PARVA: variants seen among roughly 807,000 people sequenced by gnomAD.
The protein encoded by PARVA is parvin alpha, also known as alpha-parvin.
In PARVA, 25 loss-of-function variants were observed where a neutral mutation model predicts 52.6. The observed-to-expected ratio is 0.48, with a 90% CI of 0.35 to 0.66. The LOEUF is 0.66. Among genes scored for constraint, PARVA ranks in the 30% least tolerant of loss-of-function variants. PARVA has a pLI of 0.01. For missense variants in PARVA, 373 were observed against 450.9 expected, an observed-to-expected ratio of 0.83 and a Z score of 1.56; for synonymous variants, 185 against 179.1, an observed-to-expected ratio of 1.03 and a Z score of -0.26.
upstream of PARVA, chr11:12,376,641 GC>G: frequency 1.6e-6 from 1 of 620,390 alleles, no homozygotes. Context: ...CCTAGAAGGG[GC>G]CACAAGGAGG....
At chr11:12,452,150 T>C (rs1423231885) in intron 1 of PARVA, among the ~76,000 whole-genome samples, 2 of 151,986 alleles carry the variant, frequency 1.3e-5, no homozygotes, top group Admixed American at 1.3e-4. Flanking sequence ...CTCCCTGCCT[T>C]ATATGCAAGC....
intron 1 of PARVA, among the ~76,000 whole-genome samples, chr11:12,445,243 A>C (rs1407553344): frequency 6.6e-6 from 1 of 152,180 alleles, no homozygotes; most frequent in African/African-American, 2.4e-5. Flanking sequence ...AGTATACTCT[A>C]TCCTGGGGCT....
At chr11:12,377,497 G>A, upstream of PARVA, 1 of 1,412,072 alleles carries the variant, frequency 7.1e-7, no homozygotes, top group Middle Eastern at 1.8e-4. Flanking sequence ...AGGGAGCGAG[G>A]GAAGGGAAAG....
intron 5 of PARVA, among the ~76,000 whole-genome samples, chr11:12,503,384 G>A (rs999945672): frequency 1.1e-4 from 16 of 152,168 alleles, no homozygotes; most frequent in African/African-American, 1.7e-4. Flanking sequence ...GAAGGGAGAG[G>A]GAGTGCAGAG....
At chr11:12,384,282 T>C (rs748208647) in intron 1 of PARVA, among the ~76,000 whole-genome samples, 39 of 152,224 alleles carry the variant, frequency 2.6e-4, no homozygotes, top group Non-Finnish European at 5.0e-4. Context: ...TTGAAAGAGT[T>C]ATCTCTACCT....
rs193267501 is a variant in PARVA, at chr11:12,489,638, A to G, written c.401-6820A>G. The stretch of plus-strand genomic sequence containing the variant: ...ATGAATCCTCAGATTCAGGGAGCTC[A>G]GTGAATCCCAAATAGTATAAGTAGT... On this transcript the variant is annotated intron_variant, in intron 4 of 12. Coordinates refer to ENST00000334956, the MANE Select transcript of PARVA (RefSeq NM_018222.5). Among the ~76,000 whole-genome samples the G allele has an allele frequency of 4.9e-3, 746 of 152,336 alleles. 7 individuals carry two copies. The highest frequency in any genetic ancestry group is 0.02 in the Middle Eastern group (6 of 294).
At chr11:12,399,702 C>A (rs951772179) in intron 1 of PARVA, among the ~76,000 whole-genome samples, 3 of 152,030 alleles carry the variant, frequency 2.0e-5, no homozygotes, top group African/African-American at 7.2e-5. Context: ...CTTGTATATA[C>A]TTTTTGATTT....
At chr11:12,475,112 C>G (rs1940991410) in intron 3 of PARVA, among the ~76,000 whole-genome samples, 1 of 152,188 alleles carries the variant, frequency 6.6e-6, no homozygotes, top group African/African-American at 2.4e-5. Context: ...CTCTAGCTGC[C>G]TCTTCAACCT....
At chr11:12,520,235 C>A (rs1256495479) in intron 12 of PARVA, among the ~76,000 whole-genome samples, 4 of 152,322 alleles carry the variant, frequency 2.6e-5, no homozygotes, top group Non-Finnish European at 4.4e-5. Context: ...TGACACAGGG[C>A]ATTATGCCCA....
intron 4 of PARVA, among the ~76,000 whole-genome samples, chr11:12,484,189 A>G (rs1291701193): frequency 6.6e-6 from 1 of 152,230 alleles, no homozygotes; most frequent in Non-Finnish European, 1.5e-5. Flanking sequence ...GATTCCAGGA[A>G]GATGCCTATA....
At chr11:12,441,357 T>A (rs1021683944) in intron 1 of PARVA, among the ~76,000 whole-genome samples, 1 of 152,010 alleles carries the variant, frequency 6.6e-6, no homozygotes, top group Non-Finnish European at 1.5e-5. Context: ...TTTTTTTTTT[T>A]AATTGCTTTT....
At chr11:12,496,348 G>A in intron 4 of PARVA, 110 bp from the exon 5 acceptor site, 1 of 1,112,888 alleles carries the variant, frequency 9.0e-7, no homozygotes, top group East Asian at 2.6e-5. Context: ...TGTTGCAAGA[G>A]TGCATGCATG....
At chr11:12,494,628 G>A (rs2135058011) in intron 4 of PARVA, among the ~76,000 whole-genome samples, 1 of 151,666 alleles carries the variant, frequency 6.6e-6, no homozygotes, top group African/African-American at 2.4e-5. Context: ...GAGGCAAGAT[G>A]TATATTTCTT....
At chr11:12,511,744 CCAT>C (rs35326388) in intron 8 of PARVA, among the ~76,000 whole-genome samples, 78,298 of 151,648 alleles carry the variant, frequency 0.52, 20,670 homozygotes, top group East Asian at 0.64. Flanking sequence ...AGTTATCAGG[CCAT>C]CATTGACCTT....
chr11:12,384,934 A>G (rs1472657720), intron 1 of PARVA, among the ~76,000 whole-genome samples: 1 of 152,130 alleles, frequency 6.6e-6, no homozygotes, highest in Admixed American at 6.5e-5. Flanking sequence ...GTGCAGAGGA[A>G]TGGCGTGATC....
chr11:12,485,343 T>G (rs890872367), intron 4 of PARVA, among the ~76,000 whole-genome samples: 2 of 152,132 alleles, frequency 1.3e-5, no homozygotes, highest in Non-Finnish European at 2.9e-5. Flanking sequence ...AGCTCCCAGG[T>G]CGTGGTTTTT....
intron 1 of PARVA, among the ~76,000 whole-genome samples, chr11:12,396,975 C>T (rs946037182): frequency 1.4e-5 from 2 of 146,084 alleles, no homozygotes; most frequent in Non-Finnish European, 1.5e-5. Context: ...CTTTCCTTTC[C>T]TTTCATGTAC....
chr11:12,526,736 GTATGCATTCCTC>G (rs1941707053), intron 12 of PARVA, among the ~76,000 whole-genome samples: 2 of 152,096 alleles, frequency 1.3e-5, no homozygotes, highest in Non-Finnish European at 2.9e-5. Context: ...TATTACCTAA[GTATGCATTCCTC>G]AATAGTAGAC....
At chr11:12,393,821 A>G (rs1462281303) in intron 1 of PARVA, among the ~76,000 whole-genome samples, 1 of 152,212 alleles carries the variant, frequency 6.6e-6, no homozygotes, top group Admixed American at 6.5e-5. Context: ...ATTTGAACCC[A>G]GACAGTCTGG....
Sources: gnomAD v4.1 joint callset for allele counts (sites outside exome capture counted in the v4.1 genomes callset) on GRCh38, gnomAD v4.1.1 for gene constraint, MANE v1.5 for transcripts, NCBI Gene and HGNC (gene_info 2026-07-23, HGNC 2026-07-21) for gene names.